CTR9: variants seen among roughly 807,000 people sequenced by gnomAD.
CTR9 encodes the protein RNA polymerase-associated protein CTR9 homolog.
Under a neutral mutation model 152.1 loss-of-function variants are expected in CTR9, and 41 were observed. The ratio of observed to expected loss-of-function variants is 0.27; its 90% CI spans 0.21 to 0.35. The LOEUF (loss-of-function observed/expected upper bound fraction) is 0.35. CTR9 is among the 10% of genes least tolerant of loss of function. CTR9 has a pLI of 1.00. For synonymous variants in CTR9, 476 were observed against 496.2 expected (o/e 0.96, Z 0.54); for missense variants, 917 against 1,424.4 (o/e 0.64, Z 5.73).
In CTR9 at chr11:10,772,502, A is replaced by G. The variant is rs769168996; in HGVS notation, c.2445-18A>G. The G allele has an allele frequency of 2.1e-6, 3 of 1,420,642 alleles. No homozygotes were observed. Among genetic ancestry groups the G allele is most frequent in the Non-Finnish European group, 2.8e-6 (3 of 1,077,408 alleles). 88.0% of individuals were successfully genotyped at this position (1,420,642 alleles called of 1,614,324 possible). On this transcript the variant is annotated intron_variant, in intron 19 of 24. Transcript: ENST00000361367. ...ATAGTAGTTACATTCATGTTTCTCT[A>G]AACCTGAAATGTTCTAGGCAGTGTT...
At position 10,767,871 on chromosome 11, in the gene CTR9, G is replaced by A; in HGVS notation, c.1752G>A (p.Gly584=). Residue 584 remains glycine, a synonymous_variant, in exon 14 of 25, where the codon GGG becomes GGA. Transcript: ENST00000361367. This position sits in a 1 kb window ranked among gnomAD's most constrained non-coding sequence, Gnocchi z 4.0. ...LHLAKQEWGP[G]QKKFERILKQ... ...TGGCAAAACAAGAATGGGGTCCTGG[G>A]CAGAAGAAGTTTGAGAGGATATTAA... The A allele has an allele frequency of 6.2e-7, 1 of 1,614,056 alleles. No individual in the cohort carries two copies. The highest frequency in any genetic ancestry group is 8.5e-7 in the Non-Finnish European group (1 of 1,179,998).
rs375949681 is a variant in CTR9 at position 10,769,821 on chromosome 11, T to C, written c.2110-389T>C. On this transcript the variant is annotated intron_variant, in intron 16 of 24. Transcript: ENST00000361367. ...CTCATTGCCAGTAGGTTCTGCCCAT[T>C]GTTAAGAAAGGTGTAGATGGTAAAA... Among the ~76,000 whole-genome samples, 5 of 152,212 alleles carry C rather than the reference T, an allele frequency of 3.3e-5. No individual in the cohort carries two copies. In the East Asian group the frequency reaches 7.7e-4, roughly 23 times the overall value.
intron 24 of CTR9, 40 bp from the exon 25 acceptor site, chr11:10,778,639 C>T: frequency 6.3e-7 from 1 of 1,575,794 alleles, no homozygotes; most frequent in Non-Finnish European, 8.6e-7. Context: ...CCCCAGTTAG[C>T]CAGAATCCTC....
chr11:10,779,072 A>T lies in CTR9; in HGVS notation c.3489A>T (p.Arg1163Ser). ...PEGSNNEASD[R>S]GSEHGSDDSD is the part of the protein sequence containing the mutation. Reference sequence around the variant, plus strand: ...GATCCAACAATGAGGCCTCAGATAGAGGCTCAGAACATGGGTCAGATGATA... The same window carrying T: ...GATCCAACAATGAGGCCTCAGATAGTGGCTCAGAACATGGGTCAGATGATA... The change falls in exon 25 of 25, where the codon AGA becomes AGT. Residue 1163 changes from arginine (R) to serine (S), a missense_variant. Arg to Ser is a moderately radical substitution (Grantham distance 110). Around this residue, in one of 9 missense-constraint regions of CTR9, gnomAD observed 384 missense variants for 398.4 expected, o/e 0.96. Coordinates refer to ENST00000361367, the MANE Select transcript of CTR9 (RefSeq NM_014633.5). The T allele has an allele frequency of 6.2e-7, 1 of 1,614,134 alleles. No individual in the cohort carries two copies. Among genetic ancestry groups the T allele is most frequent in the Non-Finnish European group, 8.5e-7 (1 of 1,179,992 alleles).
At chr11:10,774,319 T>A in intron 22 of CTR9, 150 bp downstream of exon 22, 3 of 876,838 alleles carry the variant, frequency 3.4e-6, no homozygotes, top group Non-Finnish European at 5.1e-6. Flanking sequence ...AATCCTAAGA[T>A]AGACCCCAGT....
At position 10,778,764 on chromosome 11, in the gene CTR9, G is replaced by A. The variant is rs770524055; in HGVS notation, c.3181G>A (p.Glu1061Lys). 1.9e-6 allele frequency: 3 copies of A among 1,614,070 alleles called. No individual in the cohort carries two copies. The highest frequency in any genetic ancestry group is 2.7e-5 in the African/African-American group (2 of 74,920). Reference sequence around the variant, plus strand: ...TGCCTCATCAGAGAGTGATTCCGATGAGAACCAGAACAAGTCTGGCAGCGA... The same window carrying A: ...TGCCTCATCAGAGAGTGATTCCGATAAGAACCAGAACAAGTCTGGCAGCGA... ...KCASSESDSD[E>K]NQNKSGSEAG... The change falls in exon 25 of 25, where the codon GAG becomes AAG. Residue 1061 changes from glutamate (E) to lysine (K), a missense_variant. Around this residue, in one of 9 missense-constraint regions of CTR9, gnomAD observed 384 missense variants for 398.4 expected, o/e 0.96. Coordinates refer to ENST00000361367, the MANE Select transcript of CTR9 (RefSeq NM_014633.5).
chr11:10,775,361 A>G (rs1863215838), intron 23 of CTR9, 58 bp downstream of exon 23: 3 of 1,465,538 alleles, frequency 2.0e-6, no homozygotes, highest in Non-Finnish European at 2.8e-6. Flanking sequence ...ATTGCAGTAC[A>G]CTAGAATACA....
chr11:10,764,311 G>A lies in CTR9; in HGVS notation c.1288G>A (p.Ala430Thr). 1 of 1,613,988 alleles carries A rather than the reference G, an allele frequency of 6.2e-7. No individual in the cohort carries two copies. The highest frequency in any genetic ancestry group is 8.5e-7 in the Non-Finnish European group (1 of 1,179,980). Residue 430 changes from alanine to threonine, a missense_variant, in exon 11 of 25, where the codon GCC becomes ACC. Physicochemically the swap from Ala to Thr is moderately conservative, Grantham distance 58. Around this residue, in one of 9 missense-constraint regions of CTR9, gnomAD observed 133 missense variants for 244.1 expected, o/e 0.54. Transcript: ENST00000361367. ...QILEQTDIQG[A>T]LSAYGTATRI... ...TCTGTCAATCATGAAAATACAGGGT[G>A]CCCTTTCAGCCTATGGAACAGCAAC...
rs1484289174 is a variant in CTR9 at position 10,770,472 on chromosome 11, A to AT, written c.2227-9dup. 9.3e-6 allele frequency: 15 copies of AT among 1,604,684 alleles called. No homozygotes were observed. The highest frequency in any genetic ancestry group is 1.2e-5 in the Non-Finnish European group (14 of 1,176,740). On this transcript the variant is annotated splice_polypyrimidine_tract_variant and intron_variant, in intron 17 of 24. Coordinates refer to ENST00000361367, the MANE Select transcript of CTR9 (RefSeq NM_014633.5). ...TGTCATTTGAACATATGAAATATTT[A>AT]TTTTTTATTCACAGGCTAGACATGT...
At chr11:10,761,348 A>C (rs1862973850) in intron 6 of CTR9, among the ~76,000 whole-genome samples, 1 of 137,712 alleles carries the variant, frequency 7.3e-6, no homozygotes, top group Non-Finnish European at 1.6e-5. Flanking sequence ...TTCACAGGCT[A>C]CAAAATCTGG....
chr11:10,775,669 T>G (rs766355140), intron 24 of CTR9, 36 bp downstream of exon 24: 4 of 1,390,634 alleles, frequency 2.9e-6, no homozygotes, highest in Non-Finnish European at 4.0e-6. Context: ...CTTCTCATGA[T>G]GTAGATAAAT....
At chr11:10,755,598 C>T (rs1360757546) in intron 3 of CTR9, 80 bp from the exon 4 acceptor site, 1 of 831,010 alleles carries the variant, frequency 1.2e-6, no homozygotes, top group Non-Finnish European at 2.0e-6. Flanking sequence ...GCTCCACCTC[C>T]TTCCTATTTG....
chr11:10,752,654 C>G lies in CTR9; in HGVS notation c.46-18C>G. On this transcript the variant is annotated intron_variant, in intron 1 of 24. Transcript: ENST00000361367. ...TTTAAAGTGGAATAAGAGTTAAGAC[C>G]TACCTTTTGTATTTTAGGTCATTGA... 1 of 1,573,516 alleles carries G rather than the reference C, an allele frequency of 6.4e-7. No individual in the cohort carries two copies.
At chr11:10,764,016 A>G (rs2135368740) in intron 9 of CTR9, 96 bp from the exon 10 acceptor site, 1 of 1,381,506 alleles carries the variant, frequency 7.2e-7, no homozygotes, top group East Asian at 2.3e-5. Flanking sequence ...TAGATAACAA[A>G]CAATGGATTT....
In CTR9 at chr11:10,764,292, A is replaced by T; in HGVS notation, c.1285-16A>T. On this transcript the variant is annotated splice_polypyrimidine_tract_variant and intron_variant, in intron 10 of 24. Coordinates refer to ENST00000361367, the MANE Select transcript of CTR9 (RefSeq NM_014633.5). ...TCTTCCACTTACACCTTTTTCTGTC[A>T]ATCATGAAAATACAGGGTGCCCTTT... 1 of 1,613,874 alleles carries T rather than the reference A, an allele frequency of 6.2e-7. No individual in the cohort carries two copies. Among genetic ancestry groups the T allele is most frequent in the Non-Finnish European group, 8.5e-7 (1 of 1,179,908 alleles).
intron 19 of CTR9, 91 bp from the exon 20 acceptor site, chr11:10,772,429 A>G (rs1863158155): frequency 8.9e-7 from 1 of 1,129,618 alleles, no homozygotes; most frequent in Non-Finnish European, 1.2e-6. Flanking sequence ...GTCCTGCTTC[A>G]GATTTTTTAA....
Position 10,768,446 on chromosome 11 carries a change from A to G in CTR9, c.2064A>G (p.Ala688=). 3 of 1,614,036 alleles carry G rather than the reference A, an allele frequency of 1.9e-6. No homozygotes were observed. Among genetic ancestry groups the G allele is most frequent in the Non-Finnish European group, 8.5e-7 (1 of 1,179,994 alleles). The change falls in exon 16 of 25, where the codon GCA becomes GCG. Residue 688 remains alanine, a synonymous_variant. Coordinates refer to ENST00000361367, the MANE Select transcript of CTR9 (RefSeq NM_014633.5). Reference sequence around the variant, plus strand: ...TTAGTGATGTGTGGCTGAACTTAGCACACATCTATGTGGAGCAAAAGCAGT... The same window carrying G: ...TTAGTGATGTGTGGCTGAACTTAGCGCACATCTATGTGGAGCAAAAGCAGT... ...ADISDVWLNL[A]HIYVEQKQYI...
At chr11:10,756,875 A>G (rs747974636) in intron 5 of CTR9, 37 bp downstream of exon 5, 2 of 1,275,450 alleles carry the variant, frequency 1.6e-6, no homozygotes, top group East Asian at 4.6e-5. Flanking sequence ...TAAACTGTGT[A>G]TTACCCAGCT....
chr11:10,761,362 C>A (rs1862974079), intron 6 of CTR9, among the ~76,000 whole-genome samples: 1 of 25,194 alleles, frequency 4.0e-5, no homozygotes, highest in Non-Finnish European at 7.4e-5. Context: ...AATCTGGATT[C>A]TGTTAGCAGG....
Sources: gnomAD v4.1 joint callset for allele counts (sites outside exome capture counted in the v4.1 genomes callset) on GRCh38, gnomAD v4.1.1 for gene constraint, gnomAD v4.1.1 regional missense constraint, Gnocchi (gnomAD v3.1) non-coding constraint, MANE v1.5 for transcripts, NCBI Gene and HGNC (gene_info 2026-07-23, HGNC 2026-07-21) for gene names.